The following RSU1 variants were observed in gnomAD, a reference collection of about 807,000 sequenced individuals.
RSU1 encodes the protein rsu-1.
RSU1 carries 26 observed loss-of-function variants against 31.1 expected under a neutral mutation model. The observed-to-expected ratio is 0.84, with a 90% CI of 0.61 to 1.16. RSU1 has a LOEUF of 1.16. RSU1 is among the 50% of genes most tolerant of loss of function. The pLI is 0.00. For missense variants in RSU1, 320 were observed against 339.1 expected (o/e 0.94, Z 0.44); for synonymous variants, 164 against 136.3 (o/e 1.20, Z -1.41).
At chr10:16,637,279 T>C (rs1159299521) in intron 8 of RSU1, among the ~76,000 whole-genome samples, 2 of 152,168 alleles carry the variant, frequency 1.3e-5, no homozygotes, top group Admixed American at 6.5e-5. Context: ...AACATGCCAC[T>C]GTGAGTGTAA....
At position 16,622,611 on chromosome 10, in the gene RSU1, G is replaced by GA. The variant is rs202120725; in HGVS notation, c.732-29116dup. Among the ~76,000 whole-genome samples, 1,406 of 152,076 alleles carry GA rather than the reference G, an allele frequency of 9.2e-3. 12 individuals are homozygous for GA. Among genetic ancestry groups the GA allele is most frequent in the South Asian group, 0.023 (111 of 4,822 alleles). ...TAGCACTCAGTGAGAATAGATATGGGAAAAAAAATGTTGAATGGCAGAGTT... is the reference window on the plus strand; with the variant it reads ...TAGCACTCAGTGAGAATAGATATGGGAAAAAAAAATGTTGAATGGCAGAGTT... On this transcript the variant is annotated intron_variant, in intron 8 of 8. Coordinates refer to ENST00000345264, the MANE Select transcript of RSU1 (RefSeq NM_012425.4).
At chr10:16,806,586 G>A (rs1262993282) in intron 2 of RSU1, among the ~76,000 whole-genome samples, 5 of 152,152 alleles carry the variant, frequency 3.3e-5, no homozygotes, top group Middle Eastern at 3.4e-3. Context: ...AAATGTGTGC[G>A]TGTATTATAT....
intron 8 of RSU1, among the ~76,000 whole-genome samples, chr10:16,642,240 G>T (rs565719803): frequency 6.6e-6 from 1 of 152,306 alleles, no homozygotes; most frequent in East Asian, 1.9e-4. Flanking sequence ...CAGGCAGGTA[G>T]GGAGGAGGAA....
chr10:16,646,720 C>T (rs1834578747), intron 8 of RSU1, among the ~76,000 whole-genome samples: 1 of 152,198 alleles, frequency 6.6e-6, no homozygotes, highest in Admixed American at 6.5e-5. Context: ...TGGTGGCAAG[C>T]ATTAGCTTGC....
At chr10:16,637,373 G>A (rs551182250) in intron 8 of RSU1, among the ~76,000 whole-genome samples, 27 of 152,300 alleles carry the variant, frequency 1.8e-4, no homozygotes, top group African/African-American at 6.0e-4. Context: ...GTGCAGCGGG[G>A]AATCTGCAGT....
chr10:16,769,873 C>A (rs1189272175), intron 3 of RSU1, among the ~76,000 whole-genome samples: 1 of 152,194 alleles, frequency 6.6e-6, no homozygotes, highest in Non-Finnish European at 1.5e-5. Context: ...AACGTGGATG[C>A]TACAATCAAA....
At chr10:16,752,709 G>A in intron 6 of RSU1, 56 bp from the exon 7 acceptor site, 1 of 1,320,948 alleles carries the variant, frequency 7.6e-7, no homozygotes, top group Non-Finnish European at 1.1e-6. Context: ...GTGCTCCACA[G>A]AAACTCTCAT....
At chr10:16,653,376 C>G (rs1038431335) in intron 8 of RSU1, among the ~76,000 whole-genome samples, 4 of 152,146 alleles carry the variant, frequency 2.6e-5, no homozygotes, top group African/African-American at 4.8e-5. Context: ...ATTCTTCTCA[C>G]AAAACAATAC....
intron 2 of RSU1, among the ~76,000 whole-genome samples, chr10:16,792,055 A>C (rs1368784718): frequency 6.6e-6 from 1 of 152,180 alleles, no homozygotes; most frequent in Non-Finnish European, 1.5e-5. Context: ...ACACAAAATG[A>C]TATGGAACTT....
Position 16,752,630 on chromosome 10 carries a change from C to G in RSU1, c.507G>C (p.Leu169=). The G allele has an allele frequency of 1.2e-6, 2 of 1,613,998 alleles. No individual in the cohort carries two copies. Among genetic ancestry groups the G allele is most frequent in the Non-Finnish European group, 1.7e-6 (2 of 1,179,870 alleles). The change falls in exon 7 of 9, where the codon CTG becomes CTC. Residue 169 remains leucine, a synonymous_variant. Coordinates refer to ENST00000345264, the MANE Select transcript of RSU1 (RefSeq NM_012425.4). ...LQILSLRDND[L]ISLPKEIGEL... is the part of the protein sequence containing the mutation. ...CCCCGATTTCCTTAGGCAGCGAGAT[C>G]AGGTCGTTATCCCTAAGGCTGAGCT... is the stretch of plus-strand genomic sequence containing the variant.
At position 16,798,306 on chromosome 10, in the gene RSU1, T is replaced by C. The variant is rs569224187; in HGVS notation, c.110-16222A>G. On this transcript the variant is annotated intron_variant, in intron 2 of 8. Coordinates refer to ENST00000345264, the MANE Select transcript of RSU1 (RefSeq NM_012425.4). ...TAAAAATCACAATAAAAATACTTTC[T>C]TGAAATAAAAGGTATTTAAAAGTTC... 2.6e-3 allele frequency among the ~76,000 whole-genome samples: 394 copies of C among 152,324 alleles called. 1 individual carries two copies. The highest frequency in any genetic ancestry group is 5.6e-3 in the Admixed American group (85 of 15,312).
intron 8 of RSU1, among the ~76,000 whole-genome samples, chr10:16,608,579 A>C (rs1833842320): frequency 6.6e-6 from 1 of 152,190 alleles, no homozygotes; most frequent in South Asian, 2.1e-4. Flanking sequence ...TACTATCCAC[A>C]AACACAGCAT....
At chr10:16,632,729 A>C (rs1317356141) in intron 8 of RSU1, among the ~76,000 whole-genome samples, 1 of 152,172 alleles carries the variant, frequency 6.6e-6, no homozygotes, top group African/African-American at 2.4e-5. Flanking sequence ...ACTTGAGCTC[A>C]GGGGTTTGAG....
At chr10:16,795,165 C>A (rs1276891739) in intron 2 of RSU1, among the ~76,000 whole-genome samples, 1 of 151,876 alleles carries the variant, frequency 6.6e-6, no homozygotes, top group East Asian at 1.9e-4. Context: ...ACCAGCCTGG[C>A]CAACATGGTG....
At chr10:16,808,498 AAAAAAAAAC>A (rs1462335025) in intron 2 of RSU1, among the ~76,000 whole-genome samples, 5 of 151,058 alleles carry the variant, frequency 3.3e-5, no homozygotes, top group African/African-American at 9.7e-5. Context: ...AAAAAAAAAA[AAAAAAAAAC>A]AAAGTGAACT....
intron 2 of RSU1, among the ~76,000 whole-genome samples, chr10:16,801,807 T>A (rs139279262): frequency 1.3e-5 from 2 of 152,204 alleles, no homozygotes; most frequent in Admixed American, 6.5e-5. Context: ...TGTCAAAAAA[T>A]TTTTAAAAAT....
At chr10:16,690,389 A>G (rs1321688009) in intron 8 of RSU1, among the ~76,000 whole-genome samples, 1 of 152,162 alleles carries the variant, frequency 6.6e-6, no homozygotes, top group African/African-American at 2.4e-5. Context: ...TCCCCTGTGG[A>G]AGGCACGAAA....
intron 7 of RSU1, among the ~76,000 whole-genome samples, chr10:16,735,511 T>G (rs182368119): frequency 6.6e-6 from 1 of 152,222 alleles, no homozygotes; most frequent in African/African-American, 2.4e-5. Context: ...AAATGTATAA[T>G]AGAAATGCTT....
intron 2 of RSU1, among the ~76,000 whole-genome samples, chr10:16,788,636 G>C (rs1023061609): frequency 6.6e-6 from 1 of 152,144 alleles, no homozygotes; most frequent in African/African-American, 2.4e-5. Flanking sequence ...TAGTATTTTT[G>C]TTATAACGGC....
Sources: gnomAD v4.1 joint callset for allele counts (sites outside exome capture counted in the v4.1 genomes callset) on GRCh38, gnomAD v4.1.1 for gene constraint, MANE v1.5 for transcripts, NCBI Gene and HGNC (gene_info 2026-07-23, HGNC 2026-07-21) for gene names.